SMIM17: variants seen among roughly 807,000 people sequenced by gnomAD.
SMIM17 encodes the protein small integral membrane protein 17.
SMIM17 carries 10 observed loss-of-function variants against 12.2 expected under a neutral mutation model. The observed-to-expected ratio is 0.82, with a 90% confidence interval of 0.50 to 1.39. The LOEUF is 1.39. Among genes scored for constraint, SMIM17 ranks in the 40% most tolerant of loss-of-function variants. The probability of loss-of-function intolerance (pLI) is 0.00; values close to 1 mark genes in which losing one functional copy is unlikely to be tolerated. For missense variants in SMIM17, 136 were observed against 118.2 expected (o/e 1.15, Z -0.70); for synonymous variants, 50 against 44.1 (o/e 1.13, Z -0.53).
chr19:56,647,937 T>C (rs2045077034), intron 3 of SMIM17, among the ~76,000 whole-genome samples: 1 of 151,896 alleles, frequency 6.6e-6, no homozygotes, highest in South Asian at 2.1e-4. Flanking sequence ...CTCTTACCTT[T>C]CCAATCACTC....
chr19:56,653,281 A>C (rs1026559902), intron 3 of SMIM17, among the ~76,000 whole-genome samples: 3 of 152,242 alleles, frequency 2.0e-5, no homozygotes, highest in African/African-American at 7.2e-5. Flanking sequence ...GTCATGTAGT[A>C]AACTACATAT....
intron 2 of SMIM17, among the ~76,000 whole-genome samples, 160 bp from the exon 3 acceptor site, chr19:56,647,394 TGAGA>T (rs1314554012): frequency 2.1e-5 from 3 of 145,358 alleles, no homozygotes; most frequent in South Asian, 4.3e-4. Flanking sequence ...TGTGTGTGTG[TGAGA>T]GAGAGAGAGA....
At chr19:56,647,748 G>C in intron 3 of SMIM17, 114 bp downstream of exon 3, 1 of 857,110 alleles carries the variant, frequency 1.2e-6, no homozygotes, top group South Asian at 1.6e-5. Context: ...AATCTCAAGA[G>C]ATCTCTTGTG....
chr19:56,655,370 T>G lies in SMIM17; in HGVS notation c.*157T>G. The G allele has an allele frequency of 2.0e-6, 1 of 502,746 alleles. No individual in the cohort carries two copies. Among genetic ancestry groups the G allele is most frequent in the Non-Finnish European group, 3.5e-6 (1 of 283,844 alleles). 31.1% of individuals were successfully genotyped at this position (502,746 alleles called of 1,614,324 possible). A position where few individuals can be genotyped will look rare whatever the true frequency, so the allele number is the denominator to read the frequency against. ...GAGATGATTTTTAAAAAATTTTTGGTGTGAGTTTTCACATACTTTATTTCC... is the reference window on the plus strand; with the variant it reads ...GAGATGATTTTTAAAAAATTTTTGGGGTGAGTTTTCACATACTTTATTTCC... On this transcript the variant is annotated 3_prime_UTR_variant, in exon 4 of 4. Coordinates refer to ENST00000598409, the MANE Select transcript of SMIM17 (RefSeq NM_001193628.2).
chr19:56,645,565 C>T lies in SMIM17; in HGVS notation c.-100-3C>T. 1 of 1,084,620 alleles carries T rather than the reference C, an allele frequency of 9.2e-7. No individual in the cohort carries two copies. Among genetic ancestry groups the T allele is most frequent in the African/African-American group, 1.6e-5 (1 of 61,892 alleles). The allele number at this position is 1,084,620 out of a possible 1,614,324, so 67.2% of individuals were successfully genotyped here. ...ATTCACTGAATGATGAAATGTCCAT[C>T]AGTCCTCAGGTTCTGAATCTTGTGC... On this transcript the variant is annotated splice_region_variant and splice_polypyrimidine_tract_variant and intron_variant, in intron 1 of 3. Coordinates refer to ENST00000598409, the MANE Select transcript of SMIM17 (RefSeq NM_001193628.2).
At chr19:56,650,644 G>A (rs2045101960) in intron 3 of SMIM17, among the ~76,000 whole-genome samples, 1 of 152,188 alleles carries the variant, frequency 6.6e-6, no homozygotes, top group Non-Finnish European at 1.5e-5. Context: ...CACAATGAGT[G>A]GGTAGCAGAG....
chr19:56,647,437 GAGAGAGAGAGA>G, intron 2 of SMIM17, 110 bp from the exon 3 acceptor site: 1 of 655,576 alleles, frequency 1.5e-6, no homozygotes, highest in Non-Finnish European at 2.6e-6. Context: ...GAGAGAGAGA[GAGAGAGAGAGA>G]GAGGAGGCTA....
rs560981255 is a variant in SMIM17 at position 56,647,187 on chromosome 19, G to A, written c.170-371G>A. Among the ~76,000 whole-genome samples, 4 of 152,196 alleles carry A rather than the reference G, an allele frequency of 2.6e-5. No homozygotes were observed. In the South Asian group the frequency reaches 8.3e-4, roughly 32 times the overall value. ...CTGCTCCTTCACTCAGTTTCTGCTGGGGGCCTGTAGAGAAGGAACTCTTTT... is the reference window on the plus strand; with the variant it reads ...CTGCTCCTTCACTCAGTTTCTGCTGAGGGCCTGTAGAGAAGGAACTCTTTT... On this transcript the variant is annotated intron_variant, in intron 2 of 3. Coordinates refer to ENST00000598409, the MANE Select transcript of SMIM17 (RefSeq NM_001193628.2).
At chr19:56,652,891 AG>A (rs1470026163) in intron 3 of SMIM17, among the ~76,000 whole-genome samples, 4 of 152,202 alleles carry the variant, frequency 2.6e-5, no homozygotes, top group Non-Finnish European at 5.9e-5. Context: ...CCTAGCCTCC[AG>A]GGGAGAGCTG....
chr19:56,644,556 G>A (rs921390150), intron 1 of SMIM17, among the ~76,000 whole-genome samples: 9 of 152,188 alleles, frequency 5.9e-5, no homozygotes, highest in Non-Finnish European at 1.3e-4. Context: ...AGTCCCATGC[G>A]TTTGCTCTGC....
rs1376231524 is a variant in SMIM17, at chr19:56,643,192, C to T, written c.-119C>T. 2 of 152,478 alleles carry T rather than the reference C, an allele frequency of 1.3e-5. No homozygotes were observed. The highest frequency in any genetic ancestry group is 4.8e-5 in the African/African-American group (2 of 41,462). 9.4% of individuals were successfully genotyped at this position (152,478 alleles called of 1,614,324 possible). On this transcript the variant is annotated 5_prime_UTR_variant, in exon 1 of 4. Coordinates refer to ENST00000598409, the MANE Select transcript of SMIM17 (RefSeq NM_001193628.2). ...CGGCGCCAGCTCTGCAGAGCCCAGA[C>T]AGGGTCCGGTTGGGGAGGGTGAGTC...
intron 3 of SMIM17, among the ~76,000 whole-genome samples, chr19:56,653,562 C>T (rs6510006): frequency 0.61 from 92,410 of 152,034 alleles, 28,682 homozygotes; most frequent in African/African-American, 0.74. Flanking sequence ...CCCAATTTTA[C>T]GCATGGATTA....
At chr19:56,645,909 A>C in intron 2 of SMIM17, 73 bp downstream of exon 2, 1 of 1,401,642 alleles carries the variant, frequency 7.1e-7, no homozygotes, top group Non-Finnish European at 9.4e-7. Flanking sequence ...GGAAAGACTA[A>C]ACATTCACTC....
intron 3 of SMIM17, among the ~76,000 whole-genome samples, chr19:56,649,062 G>A (rs1378851305): frequency 6.6e-6 from 1 of 152,234 alleles, no homozygotes; most frequent in Non-Finnish European, 1.5e-5. Context: ...GCTGGGCACA[G>A]TGGAGTGGCC....
rs1391277064 is a variant in SMIM17, at chr19:56,656,251, C to A, written c.*1038C>A. ...GAGCCACCGTGCCCAGCCCAGAGTT[C>A]TTTTATCCTCTAGAAAATTCTTCAT... On this transcript the variant is annotated 3_prime_UTR_variant, in exon 4 of 4. Coordinates refer to ENST00000598409, the MANE Select transcript of SMIM17 (RefSeq NM_001193628.2). Among the ~76,000 whole-genome samples the A allele has an allele frequency of 6.6e-6, 1 of 152,026 alleles. No individual in the cohort carries two copies. The highest frequency in any genetic ancestry group is 2.4e-5 in the African/African-American group (1 of 41,434).
chr19:56,644,636 A>G (rs1448413053), intron 1 of SMIM17, among the ~76,000 whole-genome samples: 7 of 151,988 alleles, frequency 4.6e-5, no homozygotes, highest in African/African-American at 9.7e-5. Flanking sequence ...CCCACTCCCC[A>G]CTGCCTCCGT....
chr19:56,647,792 G>C (rs1262634349), intron 3 of SMIM17, among the ~76,000 whole-genome samples, 158 bp downstream of exon 3: 2 of 152,036 alleles, frequency 1.3e-5, no homozygotes, highest in African/African-American at 4.8e-5. Context: ...ACAGACTGGA[G>C]GGTCTCCATG....
At chr19:56,650,965 A>AC (rs113136702) in intron 3 of SMIM17, among the ~76,000 whole-genome samples, 12,686 of 152,218 alleles carry the variant, frequency 0.083, 565 homozygotes, top group Middle Eastern at 0.11. Context: ...TGGAGCACAC[A>AC]CCAGGGGGCT....
intron 3 of SMIM17, among the ~76,000 whole-genome samples, chr19:56,651,054 C>T (rs139651392): frequency 6.6e-6 from 1 of 152,124 alleles, no homozygotes; most frequent in Non-Finnish European, 1.5e-5. Flanking sequence ...AGACAACCAC[C>T]CTCTTTCAAA....
Sources: gnomAD v4.1 joint callset for allele counts (sites outside exome capture counted in the v4.1 genomes callset) on GRCh38, gnomAD v4.1.1 for gene constraint, MANE v1.5 for transcripts, NCBI Gene and HGNC (gene_info 2026-07-23, HGNC 2026-07-21) for gene names.